NFAT5: variants seen among roughly 807,000 people sequenced by gnomAD.
NFAT5 encodes the protein nuclear factor of activated T cells 5, also known as nuclear factor of activated T-cells 5.
NFAT5 carries 31 observed loss-of-function variants against 166.5 expected under a neutral mutation model. The ratio of observed to expected loss-of-function variants is 0.19; its 90% CI spans 0.14 to 0.25. The LOEUF (loss-of-function observed/expected upper bound fraction) is 0.25, where lower values mean the gene tolerates loss of function less well. Ranked by LOEUF, NFAT5 falls within the 10% of genes least tolerant of loss-of-function variation. NFAT5 has a pLI of 1.00. For synonymous variants in NFAT5, 612 were observed against 639.7 expected (o/e 0.96, Z 0.65); for missense variants, 1,449 against 1,821.8 (o/e 0.80, Z 3.72).
rs75874951 is a variant in NFAT5 at position 69,619,521 on chromosome 16, A to G, written c.128-6882A>G. Among the ~76,000 whole-genome samples, 448 of 152,234 alleles carry G rather than the reference A, an allele frequency of 2.9e-3. 1 individual carries two copies. Among genetic ancestry groups the G allele is most frequent in the Non-Finnish European group, 4.4e-3 (301 of 68,014 alleles). The stretch of plus-strand genomic sequence containing the variant: ...CTATAATACAGATATCACATTCTTT[A>G]TTGATAAAACCTACCTCATAGGATT... On this transcript the variant is annotated intron_variant, in intron 2 of 14. Coordinates refer to ENST00000349945, the MANE Select transcript of NFAT5 (RefSeq NM_138713.4).
At chr16:69,590,706 C>T (rs1172289422) in intron 2 of NFAT5, among the ~76,000 whole-genome samples, 2 of 152,126 alleles carry the variant, frequency 1.3e-5, no homozygotes, top group Admixed American at 6.6e-5. Flanking sequence ...GAGATTTGTC[C>T]CATGTAATTA....
intron 2 of NFAT5, among the ~76,000 whole-genome samples, chr16:69,621,242 C>T (rs956204386): frequency 1.3e-5 from 2 of 150,776 alleles, no homozygotes; most frequent in Non-Finnish European, 2.9e-5. Context: ...TCTTCTATTA[C>T]TCTCTTCCTT....
chr16:69,619,000 C>T (rs755168569), intron 2 of NFAT5, among the ~76,000 whole-genome samples: 1 of 152,116 alleles, frequency 6.6e-6, no homozygotes, highest in African/African-American at 2.4e-5. Flanking sequence ...ATTTACGGAG[C>T]TTTTTTCCCC....
chr16:69,679,814 T>C (rs949590185), intron 10 of NFAT5, among the ~76,000 whole-genome samples: 1 of 152,100 alleles, frequency 6.6e-6, no homozygotes, highest in Non-Finnish European at 1.5e-5. Context: ...GGAAATTTGA[T>C]ATAAAATTAA....
chr16:69,635,025 T>G (rs764268444), intron 3 of NFAT5, among the ~76,000 whole-genome samples: 110 of 20,120 alleles, frequency 5.5e-3, no homozygotes, highest in Non-Finnish European at 7.3e-3. Context: ...TTAGTAAAGT[T>G]TTTTTTTTTT....
In NFAT5 at chr16:69,588,980, CTTTTTTTT is replaced by C. The variant is rs945918292; in HGVS notation, c.127+20456_127+20463del. ...GACCCTCCCTCCTCTTTTCCTACTTCTTTTTTTTTTTTTTTTTTTTTTTTTTTTTTTGA... is the reference window on the plus strand; with the variant it reads ...GACCCTCCCTCCTCTTTTCCTACTTCTTTTTTTTTTTTTTTTTTTTTTTGA... On this transcript the variant is annotated intron_variant, in intron 2 of 14. Transcript: ENST00000349945. Among the ~76,000 whole-genome samples the C allele has an allele frequency of 8.4e-4, 29 of 34,366 alleles. 1 individual carries two copies. The East Asian group carries it at 9.3e-3, about 11-fold the overall frequency. The allele number at this position is 34,366 out of a possible 152,430, so 22.5% of individuals were successfully genotyped here. A position where few individuals can be genotyped will look rare whatever the true frequency, so the allele number is the denominator to read the frequency against.
chr16:69,694,228 G>A lies in NFAT5; in HGVS notation c.4403G>A (p.Gly1468Asp), dbSNP rs755720550. The A allele has an allele frequency of 1.2e-5, 19 of 1,604,616 alleles. No individual in the cohort carries two copies. In the South Asian group the frequency reaches 2.1e-4, roughly 18 times the overall value. ...SQQTSGMFLF[G>D]IQNNCSQLLT... ...CAGACATCAGGAATGTTCTTATTTG[G>A]CATTCAAAATAGTAAGAAACTCTAA... Residue 1468 changes from glycine to aspartate, a missense_variant, in exon 13 of 15, where the codon GGC (glycine) becomes GAC (aspartate). By Grantham distance (94) the Gly-to-Asp change is moderately conservative (BLOSUM62 -1). Transcript: ENST00000349945.
intron 9 of NFAT5, among the ~76,000 whole-genome samples, chr16:69,676,086 C>CT (rs1464865229): frequency 6.6e-6 from 1 of 152,190 alleles, no homozygotes; most frequent in Non-Finnish European, 1.5e-5. Flanking sequence ...ACTATGTAGT[C>CT]TAACTAAATT....
At chr16:69,638,248 C>CA (rs1398665536) in intron 3 of NFAT5, among the ~76,000 whole-genome samples, 1 of 151,620 alleles carries the variant, frequency 6.6e-6, no homozygotes, top group East Asian at 1.9e-4. Flanking sequence ...ACAACAAAAA[C>CA]AAAAAACAAA....
intron 10 of NFAT5, among the ~76,000 whole-genome samples, chr16:69,682,178 A>C (rs2037089443): frequency 7.1e-6 from 1 of 140,314 alleles, no homozygotes; most frequent in African/African-American, 2.7e-5. Context: ...AGCCATTAAA[A>C]CATTTTAATT....
intron 1 of NFAT5, 151 bp from the exon 2 acceptor site, chr16:69,568,344 A>ATG (rs373838844): frequency 0.029 from 6,267 of 214,518 alleles, 91 homozygotes; most frequent in African/African-American, 0.052. Context: ...GTATATATAT[A>ATG]TATGTGTGTG....
At chr16:69,656,640 CG>C (rs979165302) in intron 6 of NFAT5, among the ~76,000 whole-genome samples, 1 of 151,858 alleles carries the variant, frequency 6.6e-6, no homozygotes, top group Non-Finnish European at 1.5e-5. Flanking sequence ...TTAGTAGAGT[CG>C]GGGTTTCACC....
At chr16:69,684,362 C>A (rs888926334) in intron 10 of NFAT5, among the ~76,000 whole-genome samples, 2 of 151,240 alleles carry the variant, frequency 1.3e-5, no homozygotes, top group South Asian at 4.2e-4. Context: ...AGTTCAAGAC[C>A]AGCCTGGCCA....
At chr16:69,593,619 T>TA (rs1368652670) in intron 2 of NFAT5, among the ~76,000 whole-genome samples, 7 of 152,160 alleles carry the variant, frequency 4.6e-5, no homozygotes, top group Non-Finnish European at 1.5e-5. Context: ...CCGGCCTAGT[T>TA]ACATTTCTAA....
chr16:69,687,277 C>T (rs2037343005), intron 11 of NFAT5, among the ~76,000 whole-genome samples: 1 of 151,858 alleles, frequency 6.6e-6, no homozygotes, highest in Admixed American at 6.6e-5. Flanking sequence ...CCTGTCTCTA[C>T]TAAAAATAAA....
chr16:69,656,789 C>T (rs1368006878), intron 6 of NFAT5, among the ~76,000 whole-genome samples: 2 of 152,134 alleles, frequency 1.3e-5, no homozygotes, highest in Admixed American at 6.5e-5. Flanking sequence ...GTGCCTTATT[C>T]CATCTTGATG....
At chr16:69,689,611 TC>T (rs748078615) in intron 11 of NFAT5, among the ~76,000 whole-genome samples, 16 of 152,224 alleles carry the variant, frequency 1.1e-4, no homozygotes, top group Non-Finnish European at 1.5e-4. Context: ...TAGAGCGATC[TC>T]AGCTCATTGC....
chr16:69,684,950 C>G lies in NFAT5; in HGVS notation c.1754C>G (p.Ser585Cys). The G allele has an allele frequency of 6.2e-7, 1 of 1,610,508 alleles. No homozygotes were observed. The highest frequency in any genetic ancestry group is 8.5e-7 in the Non-Finnish European group (1 of 1,178,482). Residue 585 changes from serine (S) to cysteine (C), a missense_variant, in exon 11 of 15, where the codon TCT becomes TGT. Transcript: ENST00000349945. ...KEISSPARPC[S>C]FEEAMKAMKT... is the part of the protein sequence containing the mutation. ...ATATCTAGTCCAGCAAGACCTTGCT[C>G]TTTTGAAGAGGCCATGAAAGGTACC...
rs1290939132 is a variant in NFAT5, at chr16:69,626,413, T to C, written c.138T>C (p.Tyr46=). The C allele has an allele frequency of 6.3e-7, 1 of 1,576,186 alleles. No individual in the cohort carries two copies. Among genetic ancestry groups the C allele is most frequent in the African/African-American group, 1.4e-5 (1 of 72,720 alleles). The change falls in exon 3 of 15, where the codon TAT becomes TAC. Residue 46 remains tyrosine, a synonymous_variant. Coordinates refer to ENST00000349945, the MANE Select transcript of NFAT5 (RefSeq NM_138713.4). ...TTCCCCTCCCCACAGAATCTGTCTA[T>C]GATCTTCTCCCAAAGGAGTTACAGT... The part of the protein sequence containing the change: ...HRAGLLEESV[Y]DLLPKELQLP...
Sources: gnomAD v4.1 joint callset for allele counts (sites outside exome capture counted in the v4.1 genomes callset) on GRCh38, gnomAD v4.1.1 for gene constraint, MANE v1.5 for transcripts, NCBI Gene and HGNC (gene_info 2026-07-23, HGNC 2026-07-21) for gene names.